Variants in SEMA3E observed in about 807,000 individuals in gnomAD.
SEMA3E encodes semaphorin 3E, also known as semaphorin-3E.
Under a neutral mutation model 93.6 loss-of-function variants are expected in SEMA3E, and 49 were observed. The observed-to-expected ratio is 0.52, with a 90% CI of 0.42 to 0.66. The LOEUF is 0.66. Ranked by LOEUF, SEMA3E falls within the 30% of genes least tolerant of loss-of-function variation. The pLI is 0.00. For missense variants in SEMA3E, 906 were observed against 964.8 expected, an observed-to-expected ratio of 0.94 and a Z score of 0.81; for synonymous variants, 363 against 330.7, an observed-to-expected ratio of 1.10 and a Z score of -1.06.
chr7:83,513,559 TAA>T (rs1252100016), intron 1 of SEMA3E, among the ~76,000 whole-genome samples: 1 of 152,182 alleles, frequency 6.6e-6, no homozygotes, highest in Non-Finnish European at 1.5e-5. Context: ...GCCACAAAAT[TAA>T]AAGTCTGGGA....
intron 1 of SEMA3E, among the ~76,000 whole-genome samples, chr7:83,554,837 C>T (rs960241601): frequency 4.0e-5 from 6 of 151,838 alleles, no homozygotes; most frequent in African/African-American, 1.5e-4. Flanking sequence ...ATTAGCCTGG[C>T]GTGGTGGCGG....
chr7:83,403,073 G>T (rs1413090594), intron 9 of SEMA3E, among the ~76,000 whole-genome samples: 1 of 151,628 alleles, frequency 6.6e-6, no homozygotes, highest in Non-Finnish European at 1.5e-5. Flanking sequence ...TTTTATTAAG[G>T]ATGATCTGGC....
At chr7:83,585,455 A>G (rs1320942854) in intron 1 of SEMA3E, among the ~76,000 whole-genome samples, 1 of 152,170 alleles carries the variant, frequency 6.6e-6, no homozygotes, top group Admixed American at 6.6e-5. Context: ...GAATAAGTGA[A>G]TGATTGAATG....
At chr7:83,575,365 G>A (rs562652338) in intron 1 of SEMA3E, among the ~76,000 whole-genome samples, 11 of 151,504 alleles carry the variant, frequency 7.3e-5, no homozygotes, top group Admixed American at 4.6e-4. Context: ...GAGATTCTCA[G>A]TACAAGGTAT....
intron 1 of SEMA3E, among the ~76,000 whole-genome samples, chr7:83,556,555 T>C (rs768683886): frequency 1.3e-5 from 2 of 152,198 alleles, no homozygotes; most frequent in Non-Finnish European, 2.9e-5. Flanking sequence ...TTAATGACTA[T>C]ATCTTGTTTA....
intron 1 of SEMA3E, among the ~76,000 whole-genome samples, chr7:83,557,713 G>A (rs1020548659): frequency 7.2e-5 from 11 of 151,940 alleles, no homozygotes; most frequent in Admixed American, 5.3e-4. Flanking sequence ...CCTTCCTACC[G>A]ATTCTTTAGA....
rs564118027 is a variant in SEMA3E at position 83,558,475 on chromosome 7, T to C, written c.116-68201A>G. On this transcript the variant is annotated intron_variant, in intron 1 of 16. Transcript: ENST00000643230. ...GAGCATTTATTTAGTAATTTCTCTT[T>C]AAAATTTAAACTGTGTCATTTCAGG... Among the ~76,000 whole-genome samples, 9 of 152,246 alleles carry C rather than the reference T, an allele frequency of 5.9e-5. No individual in the cohort carries two copies. In the East Asian group the frequency reaches 1.7e-3, roughly 29 times the overall value.
chr7:83,525,501 T>C (rs1791137366), intron 1 of SEMA3E, among the ~76,000 whole-genome samples: 1 of 151,334 alleles, frequency 6.6e-6, no homozygotes, highest in South Asian at 2.1e-4. Flanking sequence ...TTTGAACTTC[T>C]GGGGTGACCT....
chr7:83,609,266 C>T (rs1793195485), intron 1 of SEMA3E, among the ~76,000 whole-genome samples: 1 of 151,904 alleles, frequency 6.6e-6, no homozygotes, highest in African/African-American at 2.4e-5. Context: ...AAAAACTCTA[C>T]TTAACAACAA....
In SEMA3E at chr7:83,454,416, TAAAG is replaced by T. The variant is rs548341653; in HGVS notation, c.456+12062_456+12065del. Among the ~76,000 whole-genome samples, 945 of 151,442 alleles carry T rather than the reference TAAAG, an allele frequency of 6.2e-3. 8 individuals are homozygous for T. The highest frequency in any genetic ancestry group is 0.022 in the African/African-American group (910 of 41,264). ...AATTGGGTGCAGGAAGAGTTGATAT[TAAAG>T]AAAGTGGTTTGTAAAATTAAGATAT... On this transcript the variant is annotated intron_variant, in intron 4 of 16. Coordinates refer to ENST00000643230, the MANE Select transcript of SEMA3E (RefSeq NM_012431.3).
chr7:83,577,436 A>G (rs1468315624), intron 1 of SEMA3E, among the ~76,000 whole-genome samples: 3 of 152,216 alleles, frequency 2.0e-5, no homozygotes, highest in Non-Finnish European at 4.4e-5. Context: ...AGAGGGCATA[A>G]TGTAATCTCC....
chr7:83,406,089 T>TTCG (rs1402233414), intron 7 of SEMA3E, 30 bp from the exon 8 acceptor site: 1 of 1,473,998 alleles, frequency 6.8e-7, no homozygotes, highest in Non-Finnish European at 9.5e-7. Context: ...GGTAAATAGT[T>TTCG]ACCTAAAGAA....
At position 83,417,211 on chromosome 7, in the gene SEMA3E, TAG is replaced by T. The variant is rs139713299; in HGVS notation, c.550+1177_550+1178del. On this transcript the variant is annotated intron_variant, in intron 5 of 16. Transcript: ENST00000643230. ...AGTAAATCAAACTTTTCCCATTAAT[TAG>T]AGTTAACATGAGGTGTTTGCTCTAT... Among the ~76,000 whole-genome samples the T allele has an allele frequency of 5.8e-3, 876 of 152,172 alleles. 10 individuals carry two copies. Among genetic ancestry groups the T allele is most frequent in the African/African-American group, 0.02 (835 of 41,536 alleles).
At chr7:83,600,563 G>C (rs1792973205) in intron 1 of SEMA3E, among the ~76,000 whole-genome samples, 1 of 133,202 alleles carries the variant, frequency 7.5e-6, no homozygotes, top group African/African-American at 2.9e-5. Context: ...TAGCCAGGAT[G>C]GTCTGGATCT....
intron 1 of SEMA3E, among the ~76,000 whole-genome samples, chr7:83,591,706 A>C (rs2115947801): frequency 6.6e-6 from 1 of 152,188 alleles, no homozygotes; most frequent in South Asian, 2.1e-4. Flanking sequence ...TAAACACATA[A>C]AACTTTTGCA....
intron 16 of SEMA3E, among the ~76,000 whole-genome samples, chr7:83,369,589 T>C (rs574472720): frequency 1.1e-4 from 17 of 152,286 alleles, no homozygotes; most frequent in African/African-American, 3.8e-4. Flanking sequence ...CTTGACTTGG[T>C]GGGACCATGT....
chr7:83,618,294 C>G (rs563424844), intron 1 of SEMA3E, among the ~76,000 whole-genome samples: 2 of 152,174 alleles, frequency 1.3e-5, no homozygotes, highest in South Asian at 4.1e-4. Flanking sequence ...AAAATTAGAA[C>G]AGCTGAGGTT....
intron 4 of SEMA3E, among the ~76,000 whole-genome samples, chr7:83,455,319 C>CCACACA (rs890250999): frequency 1.3e-5 from 2 of 152,086 alleles, no homozygotes; most frequent in Non-Finnish European, 2.9e-5. Context: ...TGCAGATGGC[C>CCACACA]CACACATTCA....
intron 1 of SEMA3E, among the ~76,000 whole-genome samples, chr7:83,526,802 A>G (rs895898474): frequency 2.1e-4 from 32 of 152,292 alleles, no homozygotes; most frequent in African/African-American, 7.2e-4. Context: ...GTTGTCATCT[A>G]TCTTTATTCA....
Sources: gnomAD v4.1 joint callset for allele counts (sites outside exome capture counted in the v4.1 genomes callset) on GRCh38, gnomAD v4.1.1 for gene constraint, MANE v1.5 for transcripts, NCBI Gene and HGNC (gene_info 2026-07-23, HGNC 2026-07-21) for gene names.